The following ARHGAP32 variants were observed in gnomAD, a reference collection of about 807,000 sequenced individuals.
ARHGAP32 encodes the protein Rho GTPase activating protein 32.
Under a neutral mutation model 186.5 loss-of-function variants are expected in ARHGAP32, and 51 were observed. The observed-to-expected ratio is 0.27, with a 90% CI of 0.22 to 0.35. The LOEUF is 0.35. Ranked by LOEUF, ARHGAP32 falls within the 10% of genes least tolerant of loss-of-function variation. The pLI is 1.00. For missense variants in ARHGAP32, 2,186 were observed against 2,623.5 expected (o/e 0.83, Z 3.64); for synonymous variants, 950 against 964.3 (o/e 0.99, Z 0.27).
chr11:129,247,826 C>T (rs1945121574), intron 1 of ARHGAP32, among the ~76,000 whole-genome samples: 1 of 152,112 alleles, frequency 6.6e-6, no homozygotes, highest in Non-Finnish European at 1.5e-5. Flanking sequence ...CAGGGAGAGG[C>T]ATGCAATGGG....
At chr11:129,107,299 AC>A (rs1942075279) in intron 5 of ARHGAP32, among the ~76,000 whole-genome samples, 1 of 152,156 alleles carries the variant, frequency 6.6e-6, no homozygotes, top group South Asian at 2.1e-4. Flanking sequence ...CACTAGACCT[AC>A]CCCACAAGAA....
chr11:129,142,410 C>G (rs1385852864), intron 2 of ARHGAP32, among the ~76,000 whole-genome samples: 1 of 152,116 alleles, frequency 6.6e-6, no homozygotes, highest in African/African-American at 2.4e-5. Flanking sequence ...ATATACAGTA[C>G]AGGTTCATTT....
chr11:129,078,758 G>T (rs190997288), intron 6 of ARHGAP32, among the ~76,000 whole-genome samples: 2 of 152,256 alleles, frequency 1.3e-5, no homozygotes, highest in East Asian at 3.9e-4. Context: ...CTCCCAAACT[G>T]CTGGGTTTAA....
At chr11:129,256,317 A>G (rs76460650) in intron 1 of ARHGAP32, among the ~76,000 whole-genome samples, 2 of 136,580 alleles carry the variant, frequency 1.5e-5, no homozygotes, top group Non-Finnish European at 3.2e-5. Context: ...TTTAAAAAGG[A>G]AAAAAAAGAC....
At chr11:129,147,099 T>C (rs1356844649) in intron 2 of ARHGAP32, among the ~76,000 whole-genome samples, 1 of 152,112 alleles carries the variant, frequency 6.6e-6, no homozygotes, top group African/African-American at 2.4e-5. Context: ...CAACCTAGCA[T>C]TGCACTTATT....
chr11:129,090,225 C>T (rs1056240941), intron 6 of ARHGAP32, among the ~76,000 whole-genome samples: 3 of 151,958 alleles, frequency 2.0e-5, no homozygotes, highest in African/African-American at 4.8e-5. Flanking sequence ...TTTCTAATGC[C>T]CTGAATGGAA....
At chr11:129,170,102 G>A (rs2511816) in intron 1 of ARHGAP32, among the ~76,000 whole-genome samples, 19,503 of 150,952 alleles carry the variant, frequency 0.13, 1,380 homozygotes, top group Non-Finnish European at 0.15. Flanking sequence ...ATGAGTTTTA[G>A]TTCAAAATGC....
chr11:129,027,040 A>G (rs868141319), intron 11 of ARHGAP32, among the ~76,000 whole-genome samples: 34 of 149,752 alleles, frequency 2.3e-4, no homozygotes, highest in African/African-American at 6.9e-4. Flanking sequence ...CGGAGCTTGC[A>G]GTGAGCCGAG....
chr11:129,095,382 C>T (rs796727753), intron 5 of ARHGAP32, among the ~76,000 whole-genome samples: 5 of 152,270 alleles, frequency 3.3e-5, no homozygotes, highest in African/African-American at 1.2e-4. Context: ...AGTGTAATCA[C>T]TAAAGTGATA....
intron 11 of ARHGAP32, among the ~76,000 whole-genome samples, chr11:129,024,724 A>T (rs1263560187): frequency 6.6e-6 from 1 of 152,200 alleles, no homozygotes; most frequent in Admixed American, 6.5e-5. Context: ...CATACACTAC[A>T]CAGATGTTAA....
At position 128,978,888 on chromosome 11, in the gene ARHGAP32, C is replaced by T. The variant is rs1247077691; in HGVS notation, c.2004G>A (p.Lys668=). Residue 668 remains lysine (K), a synonymous_variant, in exon 19 of 23, where the codon AAG becomes AAA. Coordinates refer to ENST00000682385, the MANE Select transcript of ARHGAP32 (RefSeq NM_001378024.1). ...ERKRPQNKMK[K]SPVGSWRSFF... is the part of the protein sequence containing the mutation. ...AGGAACGCCAGCTACCCACAGGAGA[C>T]TTTTTCATCTTATTTTGAGGCCTCT... 1 of 1,607,894 alleles carries T rather than the reference C, an allele frequency of 6.2e-7. No homozygotes were observed. The highest frequency in any genetic ancestry group is 2.2e-5 in the East Asian group (1 of 44,502).
chr11:129,147,483 G>A (rs1943189937), intron 2 of ARHGAP32, among the ~76,000 whole-genome samples: 1 of 152,148 alleles, frequency 6.6e-6, no homozygotes, highest in Non-Finnish European at 1.5e-5. Context: ...TCTTTCCCTG[G>A]AATGCTGGCA....
At position 129,104,768 on chromosome 11, in the gene ARHGAP32, C is replaced by CA. The variant is rs531849261; in HGVS notation, c.445-11062dup. ...CAAGCTTCAATCCCTCCAAAAATCA[C>CA]AAAAAACAAGCACAATCTCTCAGAG... is the stretch of plus-strand genomic sequence containing the variant. On this transcript the variant is annotated intron_variant, in intron 5 of 22. Coordinates refer to ENST00000682385, the MANE Select transcript of ARHGAP32 (RefSeq NM_001378024.1). Among the ~76,000 whole-genome samples the CA allele has an allele frequency of 2.3e-4, 35 of 152,142 alleles. No homozygotes were observed. The East Asian group carries it at 6.2e-3, about 27-fold the overall frequency.
At chr11:129,131,990 A>G (rs560552231) in intron 2 of ARHGAP32, among the ~76,000 whole-genome samples, 1 of 152,182 alleles carries the variant, frequency 6.6e-6, no homozygotes, top group Non-Finnish European at 1.5e-5. Context: ...CAGGTTTGTT[A>G]GAGGTAAACA....
chr11:129,170,618 G>A (rs551721737), intron 1 of ARHGAP32, among the ~76,000 whole-genome samples: 40 of 152,268 alleles, frequency 2.6e-4, no homozygotes, highest in Middle Eastern at 3.4e-3. Flanking sequence ...CTCTGCTGTT[G>A]TAAACAGTGC....
chr11:129,140,868 C>A (rs1463022109), intron 2 of ARHGAP32, among the ~76,000 whole-genome samples: 4 of 152,210 alleles, frequency 2.6e-5, no homozygotes, highest in Non-Finnish European at 5.9e-5. Context: ...ACACTCTTTC[C>A]CCCTAAAGGG....
chr11:129,083,001 C>T (rs548428384), intron 6 of ARHGAP32, among the ~76,000 whole-genome samples: 1 of 152,238 alleles, frequency 6.6e-6, no homozygotes, highest in Non-Finnish European at 1.5e-5. Flanking sequence ...AAAAAATGCT[C>T]AACATCACTA....
intron 11 of ARHGAP32, among the ~76,000 whole-genome samples, chr11:129,027,661 C>A (rs777041920): frequency 6.6e-6 from 1 of 152,176 alleles, no homozygotes. Context: ...TTCTAATGAG[C>A]CATTCCCGGA....
intron 6 of ARHGAP32, among the ~76,000 whole-genome samples, chr11:129,076,445 C>T (rs369590866): frequency 6.6e-6 from 1 of 151,932 alleles, no homozygotes; most frequent in East Asian, 1.9e-4. Flanking sequence ...AGTAATGAGA[C>T]CACAAGGAAT....
Sources: gnomAD v4.1 joint callset for allele counts (sites outside exome capture counted in the v4.1 genomes callset) on GRCh38, gnomAD v4.1.1 for gene constraint, MANE v1.5 for transcripts, NCBI Gene and HGNC (gene_info 2026-07-23, HGNC 2026-07-21) for gene names.